The following NKX6-3 variants were observed in gnomAD, a reference collection of about 807,000 sequenced individuals.
NKX6-3 encodes homeobox protein Nkx-6.3.
Under a neutral mutation model 22.0 loss-of-function variants are expected in NKX6-3, and 17 were observed. The observed-to-expected ratio is 0.77, with a 90% CI of 0.53 to 1.16. The LOEUF is 1.16. Among genes scored for constraint, NKX6-3 ranks in the 50% most tolerant of loss-of-function variants. The pLI is 0.00. For synonymous variants in NKX6-3, 177 were observed against 167.2 expected (o/e 1.06, Z -0.45); for missense variants, 363 against 359.0 (o/e 1.01, Z -0.09).
In NKX6-3 at chr8:41,645,721, A is replaced by T. The variant is rs945925550; in HGVS notation, c.*728T>A. 1 of 152,026 alleles carries T rather than the reference A, an allele frequency of 6.6e-6. No individual in the cohort carries two copies. The highest frequency in any genetic ancestry group is 2.1e-4 in the South Asian group (1 of 4,806). 9.4% of individuals were successfully genotyped at this position (152,026 alleles called of 1,614,324 possible). ...GGGCACAGCGGTCTCAGAGGTATTGACCCTGAGGGTAAATCGGAGAAAGGA... is the reference window on the plus strand; with the variant it reads ...GGGCACAGCGGTCTCAGAGGTATTGTCCCTGAGGGTAAATCGGAGAAAGGA... On this transcript the variant is annotated 3_prime_UTR_variant, in exon 3 of 3. Coordinates refer to ENST00000518699, the MANE Select transcript of NKX6-3 (RefSeq NM_001364841.2).
At position 41,648,286 on chromosome 8, in the gene NKX6-3, G is replaced by A. The variant is rs962675462; in HGVS notation, c.383-51C>T. ...TTAGTAGAATAAGTGGGGACCCTGC[G>A]GCTAGGCACGTCTGGCAGGGCAACC... On this transcript the variant is annotated intron_variant, in intron 1 of 2. Coordinates refer to ENST00000518699, the MANE Select transcript of NKX6-3 (RefSeq NM_001364841.2). 30 of 1,469,328 alleles carry A rather than the reference G, an allele frequency of 2.0e-5. No individual in the cohort carries two copies. The African/African-American group carries it at 2.6e-4, about 13-fold the overall frequency. The allele number at this position is 1,469,328 out of a possible 1,614,324, so 91.0% of individuals were successfully genotyped here.
At position 41,646,307 on chromosome 8, in the gene NKX6-3, C is replaced by T; in HGVS notation, c.*142G>A. 1 of 1,142,622 alleles carries T rather than the reference C, an allele frequency of 8.8e-7. No individual in the cohort carries two copies. The highest frequency in any genetic ancestry group is 1.2e-6 in the Non-Finnish European group (1 of 820,526). 70.8% of individuals were successfully genotyped at this position (1,142,622 alleles called of 1,614,324 possible). A position where few individuals can be genotyped will look rare whatever the true frequency, so the allele number is the denominator to read the frequency against. ...CTCCCCTCCTCCTCCCCTGCACCTG[C>T]TGCTCCTCCTCCACGCGCCCCTCAT... On this transcript the variant is annotated 3_prime_UTR_variant, in exon 3 of 3. Transcript: ENST00000518699.
rs528765157 is a variant in NKX6-3, at chr8:41,650,153, C to T, written c.340G>A (p.Asp114Asn). The change falls in exon 1 of 3, where the codon GAC (aspartate) becomes AAC (asparagine). Residue 114 changes from aspartate (D) to asparagine (N), a missense_variant. Transcript: ENST00000518699. Reference sequence around the variant, plus strand: ...CCGCCTCGCCAGTCTTGGCCCGTGTCCGCCCAGCAGTTCCGGGTCCGGGTC... The same window carrying T: ...CCGCCTCGCCAGTCTTGGCCCGTGTTCGCCCAGCAGTTCCGGGTCCGGGTC... ...YPTRTRNCWA[D>N]TGQDWRGGRQ... 6.2e-4 allele frequency: 950 copies of T among 1,535,612 alleles called. 2 individuals are homozygous for T. Among genetic ancestry groups the T allele is most frequent in the South Asian group, 1.7e-3 (144 of 84,030 alleles).
Position 41,646,269 on chromosome 8 carries a change from C to T in NKX6-3, c.*180G>A, listed in dbSNP as rs1286394997. The T allele has an allele frequency of 2.5e-6, 2 of 804,974 alleles. No homozygotes were observed. Among genetic ancestry groups the T allele is most frequent in the Non-Finnish European group, 3.8e-6 (2 of 523,252 alleles). 49.9% of individuals were successfully genotyped at this position (804,974 alleles called of 1,614,324 possible). The stretch of plus-strand genomic sequence containing the variant: ...CCTGTCCCCTTTCCCTCCTTTTCCT[C>T]CTCCTCCCCCGCCTCCCCTCCTCCT... On this transcript the variant is annotated 3_prime_UTR_variant, in exon 3 of 3. Coordinates refer to ENST00000518699, the MANE Select transcript of NKX6-3 (RefSeq NM_001364841.2).
chr8:41,648,229 T>A lies in NKX6-3; in HGVS notation c.389A>T (p.Asp130Val). The A allele has an allele frequency of 6.5e-7, 1 of 1,534,442 alleles. No individual in the cohort carries two copies. Reference protein sequence around the residue: ...RGGRQCSNTPDPLSDSIHKKK... With the variant: ...RGGRQCSNTPVPLSDSIHKKK... ...CTTGTGTATGCTGTCACTCAGGGGG[T>A]CTGGGGCTGGCAGGAGGAAGGAAGT... Residue 130 changes from aspartate (D) to valine (V), a missense_variant, in exon 2 of 3, where the codon GAC (aspartate) becomes GTC (valine). Asp to Val is a radical substitution (Grantham distance 152, BLOSUM62 -3). Around this residue, in one of 3 missense-constraint regions of NKX6-3, gnomAD observed 19 missense variants for 42.3 expected, o/e 0.45. Coordinates refer to ENST00000518699, the MANE Select transcript of NKX6-3 (RefSeq NM_001364841.2).
chr8:41,645,705 G>A lies in NKX6-3; in HGVS notation c.*744C>T, dbSNP rs567524448. 2 of 152,340 alleles carry A rather than the reference G, an allele frequency of 1.3e-5. No individual in the cohort carries two copies. The highest frequency in any genetic ancestry group is 2.4e-5 in the African/African-American group (1 of 41,426). The allele number at this position is 152,340 out of a possible 1,614,324, so 9.4% of individuals were successfully genotyped here. ...GCTGTCAGGATGAGGAGGGCACAGC[G>A]GTCTCAGAGGTATTGACCCTGAGGG... On this transcript the variant is annotated 3_prime_UTR_variant, in exon 3 of 3. Coordinates refer to ENST00000518699, the MANE Select transcript of NKX6-3 (RefSeq NM_001364841.2).
At chr8:41,649,556 G>T (rs1044535551) in intron 1 of NKX6-3, among the ~76,000 whole-genome samples, 3 of 152,204 alleles carry the variant, frequency 2.0e-5, no homozygotes, top group African/African-American at 4.8e-5. Flanking sequence ...GCAACTCCCC[G>T]AGACAGGCTA....
At position 41,646,549 on chromosome 8, in the gene NKX6-3, T is replaced by C; in HGVS notation, c.698A>G (p.Lys233Arg). Residue 233 changes from lysine to arginine, a missense_variant, in exon 3 of 3, where the codon AAG becomes AGG. Around this residue, in one of 3 missense-constraint regions of NKX6-3, gnomAD observed 169 missense variants for 155.8 expected, o/e 1.08. Transcript: ENST00000518699. ...PSENEDDEYN[K>R]PLDPDSDDEK... ...GTCGTCCGAGTCGGGGTCCAGCGGC[T>C]TGTTGTACTCGTCGTCCTCGTTCTC... 2.5e-6 allele frequency: 4 copies of C among 1,611,046 alleles called. No homozygotes were observed. The highest frequency in any genetic ancestry group is 3.4e-6 in the Non-Finnish European group (4 of 1,178,898).
In NKX6-3 at chr8:41,647,663, C is replaced by T. The variant is rs959172125; in HGVS notation, c.552+403G>A. On this transcript the variant is annotated intron_variant, in intron 2 of 2. Transcript: ENST00000518699. Reference sequence around the variant, plus strand: ...AGCATGAATCTGGGCCAGAGACTGCCGACCGTGCTTGGAATTTTTGGCCAA... The same window carrying T: ...AGCATGAATCTGGGCCAGAGACTGCTGACCGTGCTTGGAATTTTTGGCCAA... Among the ~76,000 whole-genome samples, 3 of 152,108 alleles carry T rather than the reference C, an allele frequency of 2.0e-5. No individual in the cohort carries two copies. In the South Asian group the frequency reaches 6.2e-4, roughly 32 times the overall value.
In NKX6-3 at chr8:41,648,190, C is replaced by A; in HGVS notation, c.428G>T (p.Arg143Leu). The A allele has an allele frequency of 6.5e-7, 1 of 1,538,134 alleles. No homozygotes were observed. ...GATCTGGTGCCCCGTGAAGGTGGGC[C>A]GGGTGTGCTTCTTCTTGTGTATGCT... ...SDSIHKKKHTRPTFTGHQIFA... is the reference protein window; with the variant it reads ...SDSIHKKKHTLPTFTGHQIFA... Residue 143 changes from arginine to leucine, a missense_variant, in exon 2 of 3, where the codon CGG becomes CTG. Arg to Leu is a moderately radical substitution (Grantham distance 102). Coordinates refer to ENST00000518699, the MANE Select transcript of NKX6-3 (RefSeq NM_001364841.2).
chr8:41,649,402 G>T (rs1489184552), intron 1 of NKX6-3, among the ~76,000 whole-genome samples: 1 of 152,208 alleles, frequency 6.6e-6, no homozygotes, highest in African/African-American at 2.4e-5. Context: ...TCCCAGCAGA[G>T]CCTCACCTGC....
Position 41,650,438 on chromosome 8 carries a change from A to G in NKX6-3, c.55T>C (p.Phe19Leu). The change falls in exon 1 of 3, where the codon TTT (phenylalanine) becomes CTT (leucine). Residue 19 changes from phenylalanine to leucine, a missense_variant. By Grantham distance (22) the Phe-to-Leu change is conservative (BLOSUM62 0). Coordinates refer to ENST00000518699, the MANE Select transcript of NKX6-3 (RefSeq NM_001364841.2). Reference protein sequence around the residue: ...FLLNNTPLAQFPEMKAPVCQY... With the variant: ...FLLNNTPLAQLPEMKAPVCQY... ...CACACCGGGGCCTTCATCTCCGGAA[A>G]CTGAGCCAGCGGCGTGTTGTTCAGC... The G allele has an allele frequency of 6.5e-7, 1 of 1,535,766 alleles. No individual in the cohort carries two copies. Among genetic ancestry groups the G allele is most frequent in the Non-Finnish European group, 8.7e-7 (1 of 1,146,800 alleles).
In NKX6-3 at chr8:41,650,268, G is replaced by C. The variant is rs761376653; in HGVS notation, c.225C>G (p.Pro75=). 6.5e-7 allele frequency: 1 copy of C among 1,533,924 alleles called. No homozygotes were observed. The highest frequency in any genetic ancestry group is 8.7e-7 in the Non-Finnish European group (1 of 1,145,744). Residue 75 remains proline, a synonymous_variant, in exon 1 of 3, where the codon CCC becomes CCG. Transcript: ENST00000518699. ...APNNSLLSGY[P]HVAGFGGLSS... The stretch of plus-strand genomic sequence containing the variant: ...TGAGCCCCCCAAAGCCTGCCACGTG[G>C]GGGTAGCCGGAGAGGAGGCTGTTGT...
rs1804192304 is a variant in NKX6-3, at chr8:41,646,022, A to C, written c.*427T>G. On this transcript the variant is annotated 3_prime_UTR_variant, in exon 3 of 3. Coordinates refer to ENST00000518699, the MANE Select transcript of NKX6-3 (RefSeq NM_001364841.2). ...CAGCCAGCTGCCTCCCTCCCTGGGA[A>C]GTCCTGCCCACTCCCCCCGCCCCAA... 1.5e-5 allele frequency: 3 copies of C among 206,638 alleles called. No homozygotes were observed. The highest frequency in any genetic ancestry group is 2.9e-5 in the Non-Finnish European group (3 of 104,110). 12.8% of individuals were successfully genotyped at this position (206,638 alleles called of 1,614,324 possible).
chr8:41,650,189 T>C lies in NKX6-3; in HGVS notation c.304A>G (p.Asn102Asp). The part of the protein sequence containing the change: ...PQVGNFSKAG[N>D]EYPTRTRNCW... ...TTCCGGGTCCGGGTCGGGTACTCGT[T>C]CCCAGCCTTGGAAAAATTCCCTACC... Residue 102 changes from asparagine to aspartate, a missense_variant, in exon 1 of 3, where the codon AAC (asparagine) becomes GAC (aspartate). By Grantham distance (23) the Asn-to-Asp change is conservative. Around this residue, in one of 3 missense-constraint regions of NKX6-3, gnomAD observed 175 missense variants for 160.9 expected, o/e 1.09. Coordinates refer to ENST00000518699, the MANE Select transcript of NKX6-3 (RefSeq NM_001364841.2). 1.3e-6 allele frequency: 2 copies of C among 1,535,284 alleles called. No homozygotes were observed. The highest frequency in any genetic ancestry group is 2.4e-5 in the South Asian group (2 of 83,974).
In NKX6-3 at chr8:41,650,754, C is replaced by T. The variant is rs889294183; in HGVS notation, c.-262G>A. On this transcript the variant is annotated 5_prime_UTR_variant, in exon 1 of 3. Transcript: ENST00000518699. ...TTGCCCTGGCCGGACAGGGTGGCCC[C>T]CTAAGCCTCAGCTCAGACCCCCTTT... 3.5e-5 allele frequency: 16 copies of T among 462,890 alleles called. No individual in the cohort carries two copies. The highest frequency in any genetic ancestry group is 2.4e-4 in the African/African-American group (12 of 49,692). 28.7% of individuals were successfully genotyped at this position (462,890 alleles called of 1,614,324 possible). A position where few individuals can be genotyped will look rare whatever the true frequency, so the allele number is the denominator to read the frequency against.
intron 2 of NKX6-3, chr8:41,647,270 G>A (rs1277510114): frequency 2.5e-6 from 4 of 1,609,320 alleles, no homozygotes; most frequent in Non-Finnish European, 3.4e-6. Flanking sequence ...AGCGGCTGAT[G>A]AGGAGGGCGC....
In NKX6-3 at chr8:41,646,609, G is replaced by A; in HGVS notation, c.638C>T (p.Ala213Val). 6.4e-7 allele frequency: 1 copy of A among 1,565,232 alleles called. No individual in the cohort carries two copies. Among genetic ancestry groups the A allele is most frequent in the Non-Finnish European group, 8.7e-7 (1 of 1,155,868 alleles). Residue 213 changes from alanine (A) to valine (V), a missense_variant, in exon 3 of 3, where the codon GCG becomes GTG. Ala to Val is a moderately conservative substitution (Grantham distance 64). Coordinates refer to ENST00000518699, the MANE Select transcript of NKX6-3 (RefSeq NM_001364841.2). The part of the protein sequence containing the change: ...SSSTPRAPGG[A>V]GAGAGGDRAP... ...GCGGTCCCCGCCTGCGCCTGCACCC[G>A]CGCCGCCCGGGGCCCGGGGCGTGGA...
rs538916491 is a variant in NKX6-3 at position 41,649,248 on chromosome 8, G to A, written c.382+863C>T. On this transcript the variant is annotated intron_variant, in intron 1 of 2. Transcript: ENST00000518699. ...CAGAGTAGCAAATGGGGGGACAGGTGTGCTTTTGGGGTTCCCTAGGTTGGC... is the reference window on the plus strand; with the variant it reads ...CAGAGTAGCAAATGGGGGGACAGGTATGCTTTTGGGGTTCCCTAGGTTGGC... Among the ~76,000 whole-genome samples the A allele has an allele frequency of 2.6e-5, 4 of 152,280 alleles. No homozygotes were observed. In the East Asian group the frequency reaches 7.7e-4, roughly 29 times the overall value.
Sources: gnomAD v4.1 joint callset for allele counts (sites outside exome capture counted in the v4.1 genomes callset) on GRCh38, gnomAD v4.1.1 for gene constraint, gnomAD v4.1.1 regional missense constraint, MANE v1.5 for transcripts, NCBI Gene and HGNC (gene_info 2026-07-23, HGNC 2026-07-21) for gene names.